CDH13: variants seen among roughly 807,000 people sequenced by gnomAD.
CDH13 encodes the protein cadherin-13.
CDH13 carries 24 observed loss-of-function variants against 63.8 expected under a neutral mutation model. The ratio of observed to expected loss-of-function variants is 0.38; its 90% CI spans 0.27 to 0.53. The LOEUF (loss-of-function observed/expected upper bound fraction) is 0.53. Among genes scored for constraint, CDH13 ranks in the 20% least tolerant of loss-of-function variants. The pLI, the probability that CDH13 is intolerant of heterozygous loss-of-function variation, is 0.85. For synonymous variants in CDH13, 503 were observed against 355.3 expected, an observed-to-expected ratio of 1.42 and a Z score of -4.67; for missense variants, 1,049 against 903.1, an observed-to-expected ratio of 1.16 and a Z score of -2.07.
At chr16:83,281,782 G>A (rs116054015) in intron 5 of CDH13, among the ~76,000 whole-genome samples, 32,898 of 151,336 alleles carry the variant, frequency 0.22, 3,829 homozygotes, top group Middle Eastern at 0.32. Flanking sequence ...GCGTGGTGGC[G>A]CGCACCTGTA....
intron 1 of CDH13, among the ~76,000 whole-genome samples, chr16:82,652,797 G>T (rs1910880927): frequency 2.1e-5 from 3 of 141,176 alleles, no homozygotes; most frequent in Non-Finnish European, 3.0e-5. Flanking sequence ...ATGGTCTTTT[G>T]TGAGTTCTGA....
intron 5 of CDH13, among the ~76,000 whole-genome samples, chr16:83,239,318 G>A (rs565777629): frequency 6.6e-6 from 1 of 152,294 alleles, no homozygotes; most frequent in African/African-American, 2.4e-5. Context: ...TACCGCCTGG[G>A]CACTTTGTCA....
In CDH13 at chr16:82,697,780, TG is replaced by T. The variant is rs1567638843; in HGVS notation, c.45+70644del. 9.4e-3 allele frequency among the ~76,000 whole-genome samples: 1,087 copies of T among 115,202 alleles called. 14 individuals are homozygous for T. The highest frequency in any genetic ancestry group is 0.027 in the African/African-American group (944 of 35,124). The allele number at this position is 115,202 out of a possible 152,430, so 75.6% of individuals were successfully genotyped here. On this transcript the variant is annotated intron_variant, in intron 1 of 13. Transcript: ENST00000567109. ...GTGTGTGTGTGTGTGTGTGTGTGTGTGTGTGTGTAAGTTTTTTCATGAATTC... is the reference window on the plus strand; with the variant it reads ...GTGTGTGTGTGTGTGTGTGTGTGTGTTGTGTGTAAGTTTTTTCATGAATTC...
rs141103189 is a variant in CDH13, at chr16:83,423,251, A to G, written c.782-63226A>G. Among the ~76,000 whole-genome samples the G allele has an allele frequency of 3.5e-3, 537 of 152,324 alleles. 6 individuals are homozygous for G. Among genetic ancestry groups the G allele is most frequent in the African/African-American group, 0.012 (519 of 41,580 alleles). ...CTCTAAAGTATTTCAGGCATTTTCA[A>G]CATGACATGTCAACACTCACCCAAG... On this transcript the variant is annotated intron_variant, in intron 6 of 13. Coordinates refer to ENST00000567109, the MANE Select transcript of CDH13 (RefSeq NM_001257.5).
At chr16:82,951,946 G>A (rs1395207235) in intron 2 of CDH13, among the ~76,000 whole-genome samples, 1 of 152,160 alleles carries the variant, frequency 6.6e-6, no homozygotes, top group Non-Finnish European at 1.5e-5. Flanking sequence ...TTTCTTTAGT[G>A]CAAGGTTTAC....
chr16:83,090,537 G>A (rs112349445), intron 3 of CDH13, among the ~76,000 whole-genome samples: 73 of 146,348 alleles, frequency 5.0e-4, no homozygotes, highest in African/African-American at 1.6e-3. Flanking sequence ...TCGCGTCATT[G>A]CACTCCAGAC....
At chr16:83,040,125 C>T (rs1480451227) in intron 3 of CDH13, among the ~76,000 whole-genome samples, 1 of 151,860 alleles carries the variant, frequency 6.6e-6, no homozygotes, top group African/African-American at 2.4e-5. Flanking sequence ...ACCACCTTGG[C>T]ATGAATCCCA....
chr16:82,798,712 G>T (rs1196542986), intron 1 of CDH13, among the ~76,000 whole-genome samples: 1 of 152,232 alleles, frequency 6.6e-6, no homozygotes, highest in East Asian at 1.9e-4. Context: ...TGGGTTTGGG[G>T]AGCTGAGTGA....
intron 4 of CDH13, among the ~76,000 whole-genome samples, chr16:83,177,919 G>A (rs4238732): frequency 6.6e-6 from 1 of 152,048 alleles, no homozygotes; most frequent in African/African-American, 2.4e-5. Flanking sequence ...TCTTGTTCAC[G>A]GATGTATTCC....
At chr16:82,801,676 C>G (rs915414917) in intron 1 of CDH13, among the ~76,000 whole-genome samples, 1 of 152,230 alleles carries the variant, frequency 6.6e-6, no homozygotes, top group Non-Finnish European at 1.5e-5. Context: ...CCTGGAAATG[C>G]TGGGTCAGCC....
intron 3 of CDH13, among the ~76,000 whole-genome samples, chr16:83,120,704 A>C (rs968893703): frequency 2.0e-5 from 3 of 151,812 alleles, no homozygotes; most frequent in African/African-American, 7.3e-5. Context: ...AAACCAACAG[A>C]ATCTTCATAG....
At chr16:83,624,735 C>G (rs113159599) in intron 8 of CDH13, among the ~76,000 whole-genome samples, 12,450 of 152,130 alleles carry the variant, frequency 0.082, 596 homozygotes, top group Non-Finnish European at 0.11. Context: ...CTCTGGGAAA[C>G]AAGATGGGGA....
At position 83,502,777 on chromosome 16, in the gene CDH13, G is replaced by A. The variant is rs375685857; in HGVS notation, c.960+16122G>A. On this transcript the variant is annotated intron_variant, in intron 7 of 13. Transcript: ENST00000567109. The stretch of plus-strand genomic sequence containing the variant: ...GAGCTCTTGACCAATAGTAGCTGGT[G>A]TTACCAATAATAAAATAATGGTGAG... 1.8e-4 allele frequency among the ~76,000 whole-genome samples: 27 copies of A among 152,288 alleles called. No individual in the cohort carries two copies. The South Asian group carries it at 2.1e-3, about 12-fold the overall frequency.
chr16:82,954,179 T>C (rs1905706967), intron 2 of CDH13: 1 of 152,130 alleles, frequency 6.6e-6, no homozygotes, highest in Non-Finnish European at 1.5e-5. Context: ...CTGGGGACAG[T>C]GTAGAACACA....
At chr16:83,793,161 C>G (rs690836) in intron 13 of CDH13, among the ~76,000 whole-genome samples, 120,291 of 152,124 alleles carry the variant, frequency 0.79, 47,601 homozygotes, top group East Asian at 0.84. Context: ...AAGGGCTTTG[C>G]CAACTATTAC....
intron 9 of CDH13, among the ~76,000 whole-genome samples, chr16:83,673,706 A>G (rs1914711634): frequency 6.6e-6 from 1 of 152,226 alleles, no homozygotes; most frequent in African/African-American, 2.4e-5. Context: ...ATCATCTGCA[A>G]TGTTAGTTAA....
At chr16:82,880,225 C>A (rs1033750182) in intron 2 of CDH13, among the ~76,000 whole-genome samples, 2 of 152,042 alleles carry the variant, frequency 1.3e-5, no homozygotes, top group Non-Finnish European at 1.5e-5. Context: ...TTCTCAAGTG[C>A]AGCGTCCTCA....
chr16:83,398,908 GA>G (rs1381428536), intron 6 of CDH13, among the ~76,000 whole-genome samples: 3 of 152,194 alleles, frequency 2.0e-5, no homozygotes, highest in African/African-American at 7.2e-5. Context: ...TATTTGCAGA[GA>G]TAGGACAAAA....
At chr16:83,789,509 G>A (rs1338697537) in intron 13 of CDH13, among the ~76,000 whole-genome samples, 1 of 152,028 alleles carries the variant, frequency 6.6e-6, no homozygotes, top group Non-Finnish European at 1.5e-5. Context: ...ACCACGCCCA[G>A]CTAATTTTTT....
Sources: allele counts gnomAD v4.1 joint callset (sites outside exome capture counted in the v4.1 genomes callset), GRCh38; gene constraint gnomAD v4.1.1; transcripts MANE v1.5; gene names NCBI Gene and HGNC (gene_info 2026-07-23, HGNC 2026-07-21).